Variants in CNTNAP3 observed in about 807,000 individuals in gnomAD.
CNTNAP3 encodes contactin associated protein family member 3.
Under a neutral mutation model 92.1 loss-of-function variants are expected in CNTNAP3, and 36 were observed. The observed-to-expected ratio is 0.39, with a 90% CI of 0.30 to 0.52. The LOEUF is 0.52. CNTNAP3 is among the 20% of genes least tolerant of loss of function. The probability of loss-of-function intolerance (pLI) is 0.76; values close to 1 mark genes in which losing one functional copy is unlikely to be tolerated. For missense variants in CNTNAP3, 534 were observed against 1,069.6 expected, an observed-to-expected ratio of 0.50 and a Z score of 6.98; for synonymous variants, 232 against 422.3, an observed-to-expected ratio of 0.55 and a Z score of 5.53.
chr9:39,140,282 G>A (rs560452090), intron 12 of CNTNAP3, among the ~76,000 whole-genome samples: 113 of 152,240 alleles, frequency 7.4e-4, no homozygotes, highest in African/African-American at 2.5e-3. Flanking sequence ...GATGTATTAC[G>A]AAGAGTGTAG....
chr9:39,120,243 T>C (rs1820981166), intron 13 of CNTNAP3, among the ~76,000 whole-genome samples: 1 of 152,148 alleles, frequency 6.6e-6, no homozygotes, highest in Non-Finnish European at 1.5e-5. Flanking sequence ...AGAACCCTAA[T>C]TTGAATGATA....
chr9:39,144,049 C>T (rs1372198893), intron 11 of CNTNAP3, among the ~76,000 whole-genome samples, 191 bp downstream of exon 11: 8 of 152,132 alleles, frequency 5.3e-5, no homozygotes, highest in Non-Finnish European at 7.3e-5. Context: ...ATGCGTACCA[C>T]GTATTTCTGT....
Position 39,084,193 on chromosome 9 carries a change from A to G in CNTNAP3, c.3442+1543T>C, listed in dbSNP as rs1248459690. The stretch of plus-strand genomic sequence containing the variant: ...AACTGTTCATAGCAGATGCTCACCA[A>G]GTTTTTTTTTTTTTTTTTTTTTTGA... On this transcript the variant is annotated intron_variant, in intron 21 of 23. Coordinates refer to ENST00000297668, the MANE Select transcript of CNTNAP3 (RefSeq NM_033655.5). Among the ~76,000 whole-genome samples the G allele has an allele frequency of 2.3e-5, 3 of 130,312 alleles. No individual in the cohort carries two copies. The East Asian group carries it at 8.1e-4, about 35-fold the overall frequency. 85.5% of individuals were successfully genotyped at this position (130,312 alleles called of 152,430 possible).
At chr9:39,149,692 C>G in intron 10 of CNTNAP3, 114 bp downstream of exon 10, 4 of 850,978 alleles carry the variant, frequency 4.7e-6, no homozygotes, top group Non-Finnish European at 7.2e-6. Flanking sequence ...TTCATTCCCT[C>G]TCGAAAGATA....
intron 10 of CNTNAP3, among the ~76,000 whole-genome samples, chr9:39,148,327 T>C (rs191222705): frequency 6.6e-6 from 1 of 152,340 alleles, no homozygotes; most frequent in Admixed American, 6.5e-5. Context: ...CCATGCTGAA[T>C]AAATACAGTC....
chr9:39,123,579 C>CA (rs1192872975), intron 13 of CNTNAP3, among the ~76,000 whole-genome samples: 2 of 151,816 alleles, frequency 1.3e-5, no homozygotes, highest in African/African-American at 2.4e-5. Context: ...AGGTTAAATA[C>CA]AAAAAAATCC....
chr9:39,137,495 C>A (rs1821468443), intron 12 of CNTNAP3, among the ~76,000 whole-genome samples: 1 of 151,862 alleles, frequency 6.6e-6, no homozygotes, highest in African/African-American at 2.4e-5. Context: ...CCATATCTGA[C>A]TCTGGTTTTT....
chr9:39,133,985 G>A (rs983252666), intron 12 of CNTNAP3, among the ~76,000 whole-genome samples: 25 of 152,104 alleles, frequency 1.6e-4, no homozygotes, highest in Non-Finnish European at 2.9e-4. Context: ...AGAAACATTC[G>A]TATGGGGATT....
chr9:39,180,538 AT>A (rs1822423456), intron 4 of CNTNAP3, among the ~76,000 whole-genome samples: 1 of 135,956 alleles, frequency 7.4e-6, no homozygotes, highest in African/African-American at 2.7e-5. Context: ...CTTTACTGTA[AT>A]CGCTAGTGCT....
At chr9:39,150,170 A>T (rs1229826325) in intron 9 of CNTNAP3, among the ~76,000 whole-genome samples, 193 bp from the exon 10 acceptor site, 1 of 152,098 alleles carries the variant, frequency 6.6e-6, no homozygotes, top group East Asian at 1.9e-4. Context: ...CCTGGAATTC[A>T]GAATAAGAAA....
intron 11 of CNTNAP3, 99 bp from the exon 12 acceptor site, chr9:39,140,737 A>G (rs1331717778): frequency 6.9e-7 from 1 of 1,457,916 alleles, no homozygotes; most frequent in Non-Finnish European, 9.1e-7. Flanking sequence ...CATGTGATAC[A>G]TATGACCCAA....
At chr9:39,095,499 G>T (rs1163969589) in intron 18 of CNTNAP3, among the ~76,000 whole-genome samples, 3 of 147,524 alleles carry the variant, frequency 2.0e-5, no homozygotes, top group Non-Finnish European at 3.0e-5. Context: ...TCTATTCCTA[G>T]TTTATTGAGT....
rs987902697 is a variant in CNTNAP3, at chr9:39,127,973, G to A, written c.2080+4959C>T. The stretch of plus-strand genomic sequence containing the variant: ...CCTGCCTCAGCCTCCTGAGTAGCTG[G>A]GATTATAGGTGTGCGCCACCACGCC... On this transcript the variant is annotated intron_variant, in intron 13 of 23. Coordinates refer to ENST00000297668, the MANE Select transcript of CNTNAP3 (RefSeq NM_033655.5). 1.4e-4 allele frequency among the ~76,000 whole-genome samples: 22 copies of A among 152,040 alleles called. 1 individual carries two copies. Among genetic ancestry groups the A allele is most frequent in the Non-Finnish European group, 3.2e-4 (22 of 68,006 alleles).
chr9:39,133,018 T>G lies in CNTNAP3; in HGVS notation c.1994A>C (p.Gln665Pro), dbSNP rs1482859512. The stretch of plus-strand genomic sequence containing the variant: ...CGCCAGGTTCACCGCGGACCGCAGC[T>G]GCCCCGCGCCCGCTGCGTACGCGAA... The part of the protein sequence containing the change: ...VSFAYAAGAG[Q>P]LRSAVNLAER... The change falls in exon 13 of 24, where the codon CAG becomes CCG. Residue 665 changes from glutamine to proline, a missense_variant. Gln to Pro is a moderately conservative substitution (Grantham distance 76, BLOSUM62 -1). Coordinates refer to ENST00000297668, the MANE Select transcript of CNTNAP3 (RefSeq NM_033655.5). 6.5e-7 allele frequency: 1 copy of G among 1,541,680 alleles called. No homozygotes were observed. The highest frequency in any genetic ancestry group is 1.4e-5 in the African/African-American group (1 of 73,342).
chr9:39,101,860 T>C (rs1266783074), intron 17 of CNTNAP3, among the ~76,000 whole-genome samples: 1 of 152,290 alleles, frequency 6.6e-6, no homozygotes, highest in African/African-American at 2.4e-5. Context: ...TCCTCTGCAA[T>C]GTGAATGGTT....
intron 14 of CNTNAP3, among the ~76,000 whole-genome samples, chr9:39,110,568 T>A (rs1826721449): frequency 6.6e-6 from 1 of 152,014 alleles, no homozygotes; most frequent in Non-Finnish European, 1.5e-5. Flanking sequence ...ACTGGGAAAA[T>A]AAATGCACAC....
intron 11 of CNTNAP3, among the ~76,000 whole-genome samples, chr9:39,140,963 A>G (rs1287524805): frequency 6.6e-6 from 1 of 152,212 alleles, no homozygotes; most frequent in Non-Finnish European, 1.5e-5. Flanking sequence ...AAACATGAAG[A>G]TGTGCTTACA....
chr9:39,135,054 G>A (rs1206028358), intron 12 of CNTNAP3, among the ~76,000 whole-genome samples: 1 of 152,142 alleles, frequency 6.6e-6, no homozygotes, highest in Non-Finnish European at 1.5e-5. Flanking sequence ...TTGTTTTTCT[G>A]AAGAGTAGAA....
At chr9:39,135,588 C>T (rs1821410624) in intron 12 of CNTNAP3, among the ~76,000 whole-genome samples, 1 of 152,154 alleles carries the variant, frequency 6.6e-6, no homozygotes, top group African/African-American at 2.4e-5. Flanking sequence ...TTGGAATTAA[C>T]AGTACAGATG....
Sources: gnomAD v4.1 joint callset for allele counts (sites outside exome capture counted in the v4.1 genomes callset) on GRCh38, gnomAD v4.1.1 for gene constraint, MANE v1.5 for transcripts, NCBI Gene and HGNC (gene_info 2026-07-23, HGNC 2026-07-21) for gene names.